Variants in CLDN14 observed in about 807,000 individuals in gnomAD.
CLDN14 encodes claudin-14.
In CLDN14, 2 loss-of-function variants were observed where a neutral mutation model predicts 2.1. That is an observed-to-expected ratio of 0.96 (90% CI 0.39 to 3.01). The LOEUF is 3.01. Among genes scored for constraint, CLDN14 ranks in the 30% most tolerant of loss-of-function variants. The probability of loss-of-function intolerance (pLI) is 0.09; values close to 1 mark genes in which losing one functional copy is unlikely to be tolerated. For synonymous variants in CLDN14, 136 were observed against 154.4 expected (o/e 0.88, Z 0.88); for missense variants, 298 against 328.0 (o/e 0.91, Z 0.71).
At chr21:36,465,204 C>T (rs1055393438) in intron 1 of CLDN14, among the ~76,000 whole-genome samples, 9 of 152,132 alleles carry the variant, frequency 5.9e-5, no homozygotes, top group African/African-American at 2.2e-4. Context: ...ACAGGGTGTC[C>T]CTGGTCCAAG....
intron 1 of CLDN14, among the ~76,000 whole-genome samples, chr21:36,561,184 C>G (rs1011739054): frequency 6.6e-6 from 1 of 152,162 alleles, no homozygotes; most frequent in Non-Finnish European, 1.5e-5. Context: ...AAGGGCTTAA[C>G]TAGACCTATC....
At chr21:36,539,688 AGT>A (rs923467623) in intron 1 of CLDN14, among the ~76,000 whole-genome samples, 2 of 131,228 alleles carry the variant, frequency 1.5e-5, no homozygotes, top group East Asian at 4.8e-4. Context: ...GTGTGGAGTG[AGT>A]GTGTGTGCAG....
chr21:36,508,037 CT>C lies in CLDN14; in HGVS notation c.-82+2325del, dbSNP rs2087149092. Among the ~76,000 whole-genome samples the C allele has an allele frequency of 5.9e-5, 9 of 152,226 alleles. 1 individual carries two copies. Among genetic ancestry groups the C allele is most frequent in the Admixed American group, 2.0e-4 (3 of 15,282 alleles). ...ACACATACATATCACACTCTGTGCT[CT>C]CAGCCAGGGAGAGCTGGGGAAGGAG... On this transcript the variant is annotated intron_variant, in intron 2 of 2. Coordinates refer to the CLDN14 transcript ENST00000342108.
chr21:36,555,155 T>G (rs1219773148), intron 1 of CLDN14, among the ~76,000 whole-genome samples: 1 of 152,228 alleles, frequency 6.6e-6, no homozygotes, highest in African/African-American at 2.4e-5. Flanking sequence ...TTGAAGAGGC[T>G]TGCTGTTCTA....
chr21:36,533,042 C>T (rs2087393363), intron 1 of CLDN14, among the ~76,000 whole-genome samples: 1 of 152,204 alleles, frequency 6.6e-6, no homozygotes, highest in African/African-American at 2.4e-5. Flanking sequence ...TGGTGCTCCT[C>T]CTGAAATTCC....
chr21:36,561,246 G>A (rs1372835110), intron 1 of CLDN14, among the ~76,000 whole-genome samples: 1 of 152,222 alleles, frequency 6.6e-6, no homozygotes, highest in Non-Finnish European at 1.5e-5. Flanking sequence ...TCCATGCTCA[G>A]GGACAGGGAG....
At chr21:36,511,128 G>A (rs2087183605) in intron 1 of CLDN14, among the ~76,000 whole-genome samples, 1 of 152,166 alleles carries the variant, frequency 6.6e-6, no homozygotes, top group Admixed American at 6.5e-5. Context: ...GAGGCAGGCC[G>A]GGGAGCCTCC....
chr21:36,489,394 C>T (rs2086938421), intron 2 of CLDN14, among the ~76,000 whole-genome samples: 1 of 152,104 alleles, frequency 6.6e-6, no homozygotes, highest in Non-Finnish European at 1.5e-5. Context: ...GATGCTGAGA[C>T]ACCAATGGCA....
At chr21:36,472,129 A>G (rs1568845939) in intron 1 of CLDN14, among the ~76,000 whole-genome samples, 1 of 152,240 alleles carries the variant, frequency 6.6e-6, no homozygotes, top group African/African-American at 2.4e-5. Context: ...TGAAGTGTAG[A>G]AAGGTTACAT....
At chr21:36,561,969 T>C (rs2087639158) in intron 1 of CLDN14, among the ~76,000 whole-genome samples, 1 of 152,234 alleles carries the variant, frequency 6.6e-6, no homozygotes, top group African/African-American at 2.4e-5. Context: ...ACTCTTGTTT[T>C]GCTGCAAAAA....
At chr21:36,502,473 G>A (rs1210884719) in intron 2 of CLDN14, among the ~76,000 whole-genome samples, 3 of 152,166 alleles carry the variant, frequency 2.0e-5, no homozygotes, top group Non-Finnish European at 4.4e-5. Flanking sequence ...AGGATATTCC[G>A]AGGAACTGAT....
chr21:36,520,853 A>G (rs1218355002), intron 1 of CLDN14, among the ~76,000 whole-genome samples: 4 of 152,038 alleles, frequency 2.6e-5, no homozygotes, highest in Non-Finnish European at 4.4e-5. Context: ...CTGCTTGACT[A>G]TGGCACCTGG....
At chr21:36,512,067 G>T (rs960965764) in intron 1 of CLDN14, among the ~76,000 whole-genome samples, 3 of 152,200 alleles carry the variant, frequency 2.0e-5, no homozygotes, top group Non-Finnish European at 4.4e-5. Flanking sequence ...TAATGACTCT[G>T]CCCTGATGCT....
chr21:36,506,536 G>T (rs1056411690), intron 2 of CLDN14, among the ~76,000 whole-genome samples: 1 of 151,580 alleles, frequency 6.6e-6, no homozygotes, highest in Non-Finnish European at 1.5e-5. Context: ...GGCGGAGGTT[G>T]CAGTGAGCCG....
At chr21:36,479,073 T>A (rs962042652) in intron 1 of CLDN14, among the ~76,000 whole-genome samples, 1 of 152,188 alleles carries the variant, frequency 6.6e-6, no homozygotes, top group Non-Finnish European at 1.5e-5. Flanking sequence ...CGGAACAGTC[T>A]GCCTGGCCCT....
chr21:36,528,946 TCAG>T (rs1340981810), intron 1 of CLDN14, among the ~76,000 whole-genome samples: 1 of 152,142 alleles, frequency 6.6e-6, no homozygotes, highest in Admixed American at 6.5e-5. Context: ...CTGACAGCAT[TCAG>T]CAGCAGAACT....
At chr21:36,555,856 A>T (rs946592278) in intron 1 of CLDN14, among the ~76,000 whole-genome samples, 4 of 141,384 alleles carry the variant, frequency 2.8e-5, no homozygotes, top group African/African-American at 1.1e-4. Flanking sequence ...TGTGTGAGAG[A>T]GAGAGAGTGT....
chr21:36,528,777 G>C (rs561761133), intron 1 of CLDN14, among the ~76,000 whole-genome samples: 3 of 152,326 alleles, frequency 2.0e-5, no homozygotes, highest in East Asian at 3.9e-4. Context: ...GAAGGTTCTT[G>C]AAGCTGCAGA....
chr21:36,518,225 C>T (rs2087243206), intron 1 of CLDN14, among the ~76,000 whole-genome samples: 1 of 152,168 alleles, frequency 6.6e-6, no homozygotes, highest in Non-Finnish European at 1.5e-5. Flanking sequence ...GCAAATTCTA[C>T]CTCTTTTTCA....
Sources: gnomAD v4.1 joint callset for allele counts (sites outside exome capture counted in the v4.1 genomes callset) on GRCh38, gnomAD v4.1.1 for gene constraint, MANE v1.5 for transcripts, NCBI Gene and HGNC (gene_info 2026-07-23, HGNC 2026-07-21) for gene names.